The following HECTD2 variants were observed in gnomAD, a reference collection of about 807,000 sequenced individuals.
HECTD2 encodes probable E3 ubiquitin-protein ligase HECTD2.
HECTD2 carries 35 observed loss-of-function variants against 103.2 expected under a neutral mutation model. The ratio of observed to expected loss-of-function variants is 0.34; its 90% CI spans 0.26 to 0.45. The LOEUF is 0.45. HECTD2 is among the 20% of genes least tolerant of loss of function. The pLI, the probability that HECTD2 is intolerant of heterozygous loss-of-function variation, is 1.00. For missense variants in HECTD2, 596 were observed against 937.4 expected (o/e 0.64, Z 4.76); for synonymous variants, 281 against 329.9 (o/e 0.85, Z 1.61).
rs74149236 is a variant in HECTD2, at chr10:91,474,192, T to G, written c.601-4009T>G. On this transcript the variant is annotated intron_variant, in intron 5 of 20. Transcript: ENST00000298068. ...AAGTGGAGCAAATAACTTTCTTAAC[T>G]GGAGAGTAGGGGAATGGGAAAAAGA... 5.4e-3 allele frequency among the ~76,000 whole-genome samples: 820 copies of G among 152,138 alleles called. 4 individuals are homozygous for G. The highest frequency in any genetic ancestry group is 0.019 in the African/African-American group (786 of 41,540).
intron 2 of HECTD2, among the ~76,000 whole-genome samples, chr10:91,431,887 GTCA>G (rs1843894979): frequency 6.6e-6 from 1 of 152,060 alleles, no homozygotes; most frequent in African/African-American, 2.4e-5. Context: ...ACTCTTCAAA[GTCA>G]TTCTCCGTCC....
chr10:91,429,972 G>C (rs1430978500), intron 2 of HECTD2, among the ~76,000 whole-genome samples: 3 of 152,092 alleles, frequency 2.0e-5, no homozygotes, highest in African/African-American at 7.2e-5. Flanking sequence ...TGTGATGTTA[G>C]GGTGTCAATT....
In HECTD2 at chr10:91,484,612, T is replaced by C; in HGVS notation, c.927T>C (p.Cys309=). 6.2e-7 allele frequency: 1 copy of C among 1,612,126 alleles called. No individual in the cohort carries two copies. Among genetic ancestry groups the C allele is most frequent in the Non-Finnish European group, 8.5e-7 (1 of 1,179,036 alleles). Residue 309 remains cysteine, a synonymous_variant, in exon 9 of 21, where the codon TGT becomes TGC. Transcript: ENST00000298068. ...AAGAATTTCCACCTATAACAAAGTGTTCCTGGTGGATTCCATCAGCCGCTA... is the reference window on the plus strand; with the variant it reads ...AAGAATTTCCACCTATAACAAAGTGCTCCTGGTGGATTCCATCAGCCGCTA... ...KPEEFPPITK[C]SWWIPSAAKV... is the part of the protein sequence containing the mutation.
chr10:91,454,301 A>T (rs992296427), intron 2 of HECTD2, among the ~76,000 whole-genome samples: 5 of 152,166 alleles, frequency 3.3e-5, no homozygotes, highest in African/African-American at 1.2e-4. Context: ...ATTTTGAAGA[A>T]TTGAGATAAT....
At chr10:91,455,841 A>T (rs1845062850) in intron 2 of HECTD2, among the ~76,000 whole-genome samples, 1 of 152,028 alleles carries the variant, frequency 6.6e-6, no homozygotes, top group African/African-American at 2.4e-5. Context: ...TCCTTTCCCT[A>T]TTTCTTGTTT....
chr10:91,426,659 C>G (rs996207107), intron 2 of HECTD2, among the ~76,000 whole-genome samples: 6 of 151,734 alleles, frequency 4.0e-5, no homozygotes, highest in Admixed American at 2.6e-4. Context: ...TAATTTCTAT[C>G]TACTCCATTA....
intron 2 of HECTD2, among the ~76,000 whole-genome samples, chr10:91,445,336 C>G (rs1447582597): frequency 6.6e-6 from 1 of 152,084 alleles, no homozygotes; most frequent in Non-Finnish European, 1.5e-5. Context: ...CTTCCTTATC[C>G]CTCTGCCACT....
intron 2 of HECTD2, among the ~76,000 whole-genome samples, chr10:91,440,294 T>C (rs1355022230): frequency 1.3e-5 from 2 of 152,160 alleles, no homozygotes; most frequent in Non-Finnish European, 2.9e-5. Flanking sequence ...AATGGGGTGT[T>C]GAATTTTATT....
At chr10:91,413,399 T>C (rs1842999763) in intron 1 of HECTD2, among the ~76,000 whole-genome samples, 1 of 152,194 alleles carries the variant, frequency 6.6e-6, no homozygotes, top group Non-Finnish European at 1.5e-5. Context: ...CAGAGTTACC[T>C]TGGTAGCATA....
chr10:91,410,335 C>A, upstream of HECTD2: 1 of 610,884 alleles, frequency 1.6e-6, no homozygotes, highest in Non-Finnish European at 2.2e-6. Flanking sequence ...CGGCTAGAAG[C>A]GGCAGCCCAG....
chr10:91,416,894 C>G (rs1367694958), intron 1 of HECTD2, among the ~76,000 whole-genome samples: 1 of 150,062 alleles, frequency 6.7e-6, no homozygotes, highest in Admixed American at 6.6e-5. Context: ...ATGTCATGCA[C>G]TCTCTGAACT....
chr10:91,462,379 A>C, intron 5 of HECTD2, 195 bp downstream of exon 5: 1 of 1,145,016 alleles, frequency 8.7e-7, no homozygotes, highest in South Asian at 3.0e-5. Context: ...TAAGCAGCAA[A>C]TACTTTTATA....
intron 1 of HECTD2, among the ~76,000 whole-genome samples, chr10:91,417,286 G>A (rs190761665): frequency 2.2e-4 from 33 of 152,136 alleles, no homozygotes; most frequent in Non-Finnish European, 4.0e-4. Context: ...ACATTCTAGT[G>A]AGCCATCAAA....
intron 2 of HECTD2, among the ~76,000 whole-genome samples, chr10:91,457,079 C>T (rs1417571339): frequency 1.3e-5 from 2 of 151,974 alleles, no homozygotes; most frequent in Non-Finnish European, 2.9e-5. Context: ...ATGAAGTGGA[C>T]CAATTCCTCA....
At chr10:91,512,121 G>A in intron 20 of HECTD2, 143 bp from the exon 21 acceptor site, 1 of 817,808 alleles carries the variant, frequency 1.2e-6, no homozygotes, top group Non-Finnish European at 1.9e-6. Flanking sequence ...GTAAATATCT[G>A]TTCAGTGAAG....
Position 91,425,315 on chromosome 10 carries a change from C to T in HECTD2, c.173C>T (p.Thr58Ile), listed in dbSNP as rs1843515701. Residue 58 changes from threonine (T) to isoleucine (I), a missense_variant, in exon 2 of 21, where the codon ACT (threonine) becomes ATT (isoleucine). Thr to Ile is a moderately conservative substitution (Grantham distance 89). This residue lies in a region of HECTD2 where 220 missense variants were observed against 233.9 expected (regional missense o/e 0.94). Transcript: ENST00000298068. ...LDRGAKGQIS[T>I]FSSFISAVSP... is the part of the protein sequence containing the mutation. ...AGAGGAGCCAAAGGCCAAATTTCCA[C>T]TTTCAGCAGTTTTATTTCAGCTGTT... is the stretch of plus-strand genomic sequence containing the variant. The T allele has an allele frequency of 1.3e-6, 2 of 1,542,248 alleles. No individual in the cohort carries two copies. The highest frequency in any genetic ancestry group is 4.7e-5 in the East Asian group (2 of 42,652).
chr10:91,491,629 T>C (rs905727125), intron 12 of HECTD2, among the ~76,000 whole-genome samples: 4 of 152,206 alleles, frequency 2.6e-5, no homozygotes, highest in Non-Finnish European at 4.4e-5. Flanking sequence ...CCCACCTTTG[T>C]TCCTGGTTAT....
At chr10:91,476,754 A>G (rs936800148) in intron 5 of HECTD2, among the ~76,000 whole-genome samples, 11 of 152,320 alleles carry the variant, frequency 7.2e-5, no homozygotes, top group African/African-American at 2.4e-4. Flanking sequence ...GAGAGGAGTG[A>G]GAACCGTCTT....
chr10:91,468,715 A>G (rs1845616590), intron 5 of HECTD2, among the ~76,000 whole-genome samples: 2 of 152,134 alleles, frequency 1.3e-5, no homozygotes, highest in Admixed American at 6.6e-5. Context: ...AAAGAACCAA[A>G]TTGATCTGAC....
Sources: allele counts gnomAD v4.1 joint callset (sites outside exome capture counted in the v4.1 genomes callset), GRCh38; gene constraint gnomAD v4.1.1; regional missense constraint gnomAD v4.1.1; transcripts MANE v1.5; gene names NCBI Gene and HGNC (gene_info 2026-07-23, HGNC 2026-07-21).